Variants in MRPS28 observed in about 807,000 individuals in gnomAD.
MRPS28 encodes the protein mitochondrial ribosomal protein S28, also known as small ribosomal subunit protein bS1m.
In MRPS28, 7 loss-of-function variants were observed where a neutral mutation model predicts 10.8. The observed-to-expected ratio is 0.65, with a 90% CI of 0.37 to 1.22. The LOEUF (loss-of-function observed/expected upper bound fraction) is 1.22, where lower values mean the gene tolerates loss of function less well. MRPS28 is among the 50% of genes most tolerant of loss of function. The probability of loss-of-function intolerance (pLI) is 0.02; values close to 1 mark genes in which losing one functional copy is unlikely to be tolerated. For missense variants in MRPS28, 265 were observed against 232.9 expected, an observed-to-expected ratio of 1.14 and a Z score of -0.90; for synonymous variants, 121 against 93.3, an observed-to-expected ratio of 1.30 and a Z score of -1.71.
At chr8:79,983,642 G>C (rs1428170467) in intron 2 of MRPS28, among the ~76,000 whole-genome samples, 1 of 152,202 alleles carries the variant, frequency 6.6e-6, no homozygotes, top group Non-Finnish European at 1.5e-5. Context: ...AGCCTCAGGA[G>C]CTGATGCGAT....
chr8:79,976,241 G>A (rs1807794761), intron 2 of MRPS28, among the ~76,000 whole-genome samples: 1 of 152,062 alleles, frequency 6.6e-6, no homozygotes, highest in African/African-American at 2.4e-5. Context: ...GTGCCACCAA[G>A]CCCAGCTAAT....
chr8:80,010,466 A>AG (rs1167351235), intron 1 of MRPS28, among the ~76,000 whole-genome samples: 2 of 152,210 alleles, frequency 1.3e-5, no homozygotes, highest in African/African-American at 4.8e-5. Context: ...ATGCCAGGCC[A>AG]GGTGAGGGCT....
At chr8:79,932,695 G>A (rs1806493602) in intron 2 of MRPS28, among the ~76,000 whole-genome samples, 1 of 152,168 alleles carries the variant, frequency 6.6e-6, no homozygotes, top group Non-Finnish European at 1.5e-5. Flanking sequence ...AAAGACACTG[G>A]GCAGGGAGGG....
chr8:79,964,283 T>A (rs1807449013), intron 2 of MRPS28, among the ~76,000 whole-genome samples: 1 of 152,112 alleles, frequency 6.6e-6, no homozygotes, highest in Non-Finnish European at 1.5e-5. Flanking sequence ...CACATACACA[T>A]CTCTCTTTAG....
chr8:79,995,740 T>C lies in MRPS28; in HGVS notation c.395+7259A>G, dbSNP rs557413828. ...GGAGTTTAGGAGCTGTCAGAATACATGTTGAAGTCCATACACTAAAGTACC... is the reference window on the plus strand; with the variant it reads ...GGAGTTTAGGAGCTGTCAGAATACACGTTGAAGTCCATACACTAAAGTACC... On this transcript the variant is annotated intron_variant, in intron 2 of 2. Coordinates refer to ENST00000276585, the MANE Select transcript of MRPS28 (RefSeq NM_014018.3). 1.2e-3 allele frequency among the ~76,000 whole-genome samples: 178 copies of C among 152,266 alleles called. 1 individual carries two copies. Among genetic ancestry groups the C allele is most frequent in the African/African-American group, 4.1e-3 (171 of 41,552 alleles).
intron 2 of MRPS28, chr8:79,958,537 G>A: frequency 1.8e-6 from 1 of 568,534 alleles, no homozygotes; most frequent in Non-Finnish European, 3.1e-6. Context: ...TTTTTTAAAA[G>A]GCATTTATTA....
At chr8:79,966,880 C>T (rs1054054312) in intron 2 of MRPS28, among the ~76,000 whole-genome samples, 1 of 152,038 alleles carries the variant, frequency 6.6e-6, no homozygotes, top group Non-Finnish European at 1.5e-5. Flanking sequence ...CTTCTCTGGC[C>T]GGGCTATTCC....
intron 1 of MRPS28, among the ~76,000 whole-genome samples, chr8:80,024,992 A>G (rs1228940663): frequency 6.6e-6 from 1 of 152,236 alleles, no homozygotes; most frequent in African/African-American, 2.4e-5. Context: ...TGCAGCAGGG[A>G]AGCTAATTCC....
At chr8:79,944,736 C>T (rs940649687) in intron 2 of MRPS28, among the ~76,000 whole-genome samples, 8 of 136,936 alleles carry the variant, frequency 5.8e-5, no homozygotes, top group African/African-American at 1.7e-4. Flanking sequence ...CACTCTGTCA[C>T]ATAGGCTGGA....
intron 1 of MRPS28, among the ~76,000 whole-genome samples, chr8:80,009,989 T>C (rs937486923): frequency 6.6e-6 from 1 of 152,234 alleles, no homozygotes; most frequent in Non-Finnish European, 1.5e-5. Context: ...TAATTCTTTT[T>C]AAACAACTTG....
In MRPS28 at chr8:80,010,126, T is replaced by A. The variant is rs141178632; in HGVS notation, c.214-6946A>T. ...TTGAGGTATGACTAATTATTCTTTT[T>A]TTCTTACAAAAATTTTTTCCAAACA... On this transcript the variant is annotated intron_variant, in intron 1 of 2. Transcript: ENST00000276585. 3.1e-3 allele frequency among the ~76,000 whole-genome samples: 470 copies of A among 152,324 alleles called. 1 individual carries two copies. The highest frequency in any genetic ancestry group is 0.011 in the African/African-American group (455 of 41,574).
chr8:79,922,055 T>C (rs1810108903), intron 2 of MRPS28, among the ~76,000 whole-genome samples: 1 of 152,246 alleles, frequency 6.6e-6, no homozygotes, highest in South Asian at 2.1e-4. Context: ...GTTTTTGTCG[T>C]TGGTTCTGTT....
rs528648953 is a variant in MRPS28 at position 79,919,870 on chromosome 8, C to G, written c.396-722G>C. 1.1e-4 allele frequency among the ~76,000 whole-genome samples: 16 copies of G among 152,120 alleles called. No homozygotes were observed. In the East Asian group the frequency reaches 3.1e-3, roughly 29 times the overall value. On this transcript the variant is annotated intron_variant, in intron 2 of 2. Transcript: ENST00000276585. ...CGTGCAGGTTTGTTACATATGTATA[C>G]ATGTGCCATGTTGGTGTGCTGCACC...
intron 2 of MRPS28, among the ~76,000 whole-genome samples, chr8:79,921,638 C>T (rs1810097034): frequency 6.6e-6 from 1 of 152,128 alleles, no homozygotes; most frequent in Non-Finnish European, 1.5e-5. Context: ...ATTTTGTATC[C>T]TGAGACTTTG....
intron 1 of MRPS28, among the ~76,000 whole-genome samples, chr8:80,026,342 C>G (rs1809492945): frequency 6.6e-6 from 1 of 152,168 alleles, no homozygotes; most frequent in African/African-American, 2.4e-5. Context: ...GTGGTATTTT[C>G]AATTTCTTAC....
At chr8:79,926,014 AAAAG>A (rs1250826256) in intron 2 of MRPS28, among the ~76,000 whole-genome samples, 1 of 151,948 alleles carries the variant, frequency 6.6e-6, no homozygotes, top group East Asian at 1.9e-4. Context: ...AAAAAAGAAA[AAAAG>A]AGAGAAAAGA....
At chr8:80,015,167 C>T (rs1809162067) in intron 1 of MRPS28, among the ~76,000 whole-genome samples, 1 of 152,194 alleles carries the variant, frequency 6.6e-6, no homozygotes, top group South Asian at 2.1e-4. Context: ...CTGGTCCTTA[C>T]AGTGAATATA....
chr8:79,951,244 C>T (rs747945391), intron 2 of MRPS28, among the ~76,000 whole-genome samples: 23 of 152,304 alleles, frequency 1.5e-4, no homozygotes, highest in South Asian at 4.1e-4. Context: ...GGCTCACACA[C>T]GGTCCCGATC....
chr8:79,922,357 G>C (rs1372141010), intron 2 of MRPS28, among the ~76,000 whole-genome samples: 1 of 152,078 alleles, frequency 6.6e-6, no homozygotes, highest in Non-Finnish European at 1.5e-5. Flanking sequence ...GTTAGTCAAA[G>C]GATACAAAAT....
Sources: gnomAD v4.1 joint callset for allele counts (sites outside exome capture counted in the v4.1 genomes callset) on GRCh38, gnomAD v4.1.1 for gene constraint, MANE v1.5 for transcripts, NCBI Gene and HGNC (gene_info 2026-07-23, HGNC 2026-07-21) for gene names.